COA7: variants seen among roughly 807,000 people sequenced by gnomAD.
The protein encoded by COA7 is cytochrome c oxidase assembly factor 7.
A neutral mutation model predicts 21.0 loss-of-function variants in COA7; 12 were observed. That is an observed-to-expected ratio of 0.57 (90% CI 0.37 to 0.92). The LOEUF is 0.92. Ranked by LOEUF, COA7 falls within the 40% of genes least tolerant of loss-of-function variation. The pLI, the probability that COA7 is intolerant of heterozygous loss-of-function variation, is 0.01. For synonymous variants in COA7, 95 were observed against 107.4 expected, an observed-to-expected ratio of 0.88 and a Z score of 0.72; for missense variants, 240 against 286.1, an observed-to-expected ratio of 0.84 and a Z score of 1.16.
At chr1:52,693,619 A>AG (rs532703861) in intron 1 of COA7, among the ~76,000 whole-genome samples, 1,695 of 150,810 alleles carry the variant, frequency 0.011, 31 homozygotes, top group African/African-American at 0.034. Context: ...AAAAAAAAAA[A>AG]AAAGAAAGAA....
chr1:52,696,302 T>C (rs1176965846), intron 1 of COA7, among the ~76,000 whole-genome samples: 3 of 152,088 alleles, frequency 2.0e-5, no homozygotes, highest in Non-Finnish European at 2.9e-5. Flanking sequence ...GCCTCCCGAG[T>C]AGCTGGGATT....
intron 1 of COA7, among the ~76,000 whole-genome samples, chr1:52,697,004 G>A (rs992971207): frequency 1.3e-5 from 2 of 152,074 alleles, no homozygotes; most frequent in African/African-American, 4.8e-5. Flanking sequence ...AGCTACTCGG[G>A]AGGCTGAGGC....
chr1:52,690,464 G>A (rs1210639147), intron 2 of COA7, among the ~76,000 whole-genome samples: 1 of 151,278 alleles, frequency 6.6e-6, no homozygotes, highest in Non-Finnish European at 1.5e-5. Flanking sequence ...GATCACAAAT[G>A]CTACTTGTAA....
Position 52,688,185 on chromosome 1 carries a change from T to C in COA7, c.248-17A>G, listed in dbSNP as rs1381018008. On this transcript the variant is annotated splice_polypyrimidine_tract_variant and intron_variant, in intron 2 of 2. Transcript: ENST00000371538. ...TCAGACCACCTGAGAGGAAGGAAAG[T>C]AGGAAAAAATAAACCCAAGCCAGGG... 2 of 1,593,782 alleles carry C rather than the reference T, an allele frequency of 1.3e-6. No homozygotes were observed. Among genetic ancestry groups the C allele is most frequent in the Non-Finnish European group, 1.7e-6 (2 of 1,173,650 alleles).
In COA7 at chr1:52,695,064, C is replaced by T. The variant is rs192823875; in HGVS notation, c.107-2197G>A. On this transcript the variant is annotated intron_variant, in intron 1 of 2. Coordinates refer to ENST00000371538, the MANE Select transcript of COA7 (RefSeq NM_023077.3). ...ATCCCAGCACTTTGGGAGGCCAAGGCGGGTAGATCACTCGAGGTCAGGAGT... is the reference window on the plus strand; with the variant it reads ...ATCCCAGCACTTTGGGAGGCCAAGGTGGGTAGATCACTCGAGGTCAGGAGT... Among the ~76,000 whole-genome samples the T allele has an allele frequency of 1.9e-3, 291 of 152,064 alleles. 2 individuals carry two copies. The highest frequency in any genetic ancestry group is 0.016 in the South Asian group (78 of 4,812).
At chr1:52,693,449 T>TA (rs1159224898) in intron 1 of COA7, among the ~76,000 whole-genome samples, 10 of 150,266 alleles carry the variant, frequency 6.7e-5, no homozygotes, top group Non-Finnish European at 1.0e-4. Flanking sequence ...TGGAAAAATA[T>TA]AAAAAAATTA....
At chr1:52,689,664 C>T (rs1411476198) in intron 2 of COA7, among the ~76,000 whole-genome samples, 6 of 151,288 alleles carry the variant, frequency 4.0e-5, no homozygotes, top group South Asian at 2.1e-4. Context: ...CCGAGGTGGG[C>T]GGATCACCTG....
intron 2 of COA7, among the ~76,000 whole-genome samples, chr1:52,691,187 G>A (rs1644043818): frequency 6.6e-6 from 1 of 151,980 alleles, no homozygotes; most frequent in South Asian, 2.1e-4. Context: ...AGGCCAAGGT[G>A]CAAGGATTGC....
intron 2 of COA7, among the ~76,000 whole-genome samples, chr1:52,689,764 G>A (rs1412619454): frequency 1.3e-5 from 2 of 151,852 alleles, no homozygotes; most frequent in East Asian, 2.0e-4. Flanking sequence ...GGTGGCTTAC[G>A]CCTGTAATCC....
rs1644001708 is a variant in COA7 at position 52,686,235 on chromosome 1, T to G, written c.*1485A>C. The G allele has an allele frequency of 2.0e-5, 3 of 152,110 alleles. No homozygotes were observed. Among genetic ancestry groups the G allele is most frequent in the Admixed American group, 2.0e-4 (3 of 15,256 alleles). The allele number at this position is 152,110 out of a possible 1,614,324, so 9.4% of individuals were successfully genotyped here. A position where few individuals can be genotyped will look rare whatever the true frequency, so the allele number is the denominator to read the frequency against. On this transcript the variant is annotated 3_prime_UTR_variant, in exon 3 of 3. Coordinates refer to ENST00000371538, the MANE Select transcript of COA7 (RefSeq NM_023077.3). ...AGTGAATTTGATGTCTTTTGAAATC[T>G]CCTCTGTGCACTTGGGGAAGTCCCT...
rs1263143650 is a variant in COA7, at chr1:52,684,717, A to AT, written c.*3002dup. ...GACATATGTACAATGACAGGTATTT[A>AT]TAATTATAGTATCATACAGAGTAGT... On this transcript the variant is annotated 3_prime_UTR_variant, in exon 3 of 3. Coordinates refer to ENST00000371538, the MANE Select transcript of COA7 (RefSeq NM_023077.3). The AT allele has an allele frequency of 6.6e-6, 1 of 152,154 alleles. No individual in the cohort carries two copies. Among genetic ancestry groups the AT allele is most frequent in the Non-Finnish European group, 1.5e-5 (1 of 68,020 alleles). 9.4% of individuals were successfully genotyped at this position (152,154 alleles called of 1,614,324 possible).
chr1:52,697,153 T>A (rs1322540918), intron 1 of COA7, among the ~76,000 whole-genome samples: 3 of 151,998 alleles, frequency 2.0e-5, no homozygotes, highest in Non-Finnish European at 4.4e-5. Context: ...CAGTGGTTCA[T>A]GCCTGTAATC....
chr1:52,695,548 A>C (rs185459905), intron 1 of COA7, among the ~76,000 whole-genome samples: 21 of 152,304 alleles, frequency 1.4e-4, no homozygotes, highest in Non-Finnish European at 2.5e-4. Context: ...ATATATGTTC[A>C]TATATGCCTG....
At chr1:52,689,662 G>T (rs577131519) in intron 2 of COA7, among the ~76,000 whole-genome samples, 1 of 151,786 alleles carries the variant, frequency 6.6e-6, no homozygotes, top group African/African-American at 2.4e-5. Flanking sequence ...GGCCGAGGTG[G>T]GCGGATCACC....
At chr1:52,693,264 C>T (rs1269037229) in intron 1 of COA7, among the ~76,000 whole-genome samples, 1 of 152,102 alleles carries the variant, frequency 6.6e-6, no homozygotes, top group African/African-American at 2.4e-5. Context: ...GGCTCATAGG[C>T]TAGTCTTTGT....
At chr1:52,691,470 GT>G (rs541566680) in intron 2 of COA7, among the ~76,000 whole-genome samples, 45,000 of 121,628 alleles carry the variant, frequency 0.37, 7,267 homozygotes, top group African/African-American at 0.51. Flanking sequence ...GTGTGTGTGT[GT>G]TTTTTTTTTT....
Position 52,688,173 on chromosome 1 carries a change from G to A in COA7, c.248-5C>T. On this transcript the variant is annotated splice_polypyrimidine_tract_variant and splice_region_variant and intron_variant, in intron 2 of 2. Coordinates refer to ENST00000371538, the MANE Select transcript of COA7 (RefSeq NM_023077.3). ...TCAGGTCCTGGGTCAGACCACCTGA[G>A]AGGAAGGAAAGTAGGAAAAAATAAA... 1.2e-6 allele frequency: 2 copies of A among 1,604,190 alleles called. No individual in the cohort carries two copies. The highest frequency in any genetic ancestry group is 2.2e-5 in the South Asian group (2 of 90,992).
intron 2 of COA7, 80 bp downstream of exon 2, chr1:52,692,647 G>C: frequency 1.3e-6 from 2 of 1,533,142 alleles, no homozygotes; most frequent in Non-Finnish European, 1.8e-6. Flanking sequence ...AGACCCTTCT[G>C]CAAGAGCTTA....
intron 1 of COA7, among the ~76,000 whole-genome samples, chr1:52,696,565 TACG>T (rs1644085036): frequency 6.6e-6 from 1 of 152,200 alleles, no homozygotes; most frequent in African/African-American, 2.4e-5. Flanking sequence ...TGGTCTATGT[TACG>T]GATTAGCCTC....
Sources: gnomAD v4.1 joint callset for allele counts (sites outside exome capture counted in the v4.1 genomes callset) on GRCh38, gnomAD v4.1.1 for gene constraint, MANE v1.5 for transcripts, NCBI Gene and HGNC (gene_info 2026-07-23, HGNC 2026-07-21) for gene names.